Variants in DHRS7 observed in about 807,000 individuals in gnomAD.
DHRS7 encodes dehydrogenase/reductase SDR family member 7.
A neutral mutation model predicts 38.9 loss-of-function variants in DHRS7; 34 were observed. That is an observed-to-expected ratio of 0.87 (90% confidence interval 0.66 to 1.16). DHRS7 has a LOEUF of 1.16. DHRS7 is among the 50% of genes most tolerant of loss of function. The pLI, the probability that DHRS7 is intolerant of heterozygous loss-of-function variation, is 0.00. For synonymous variants in DHRS7, 158 were observed against 153.1 expected (o/e 1.03, Z -0.24); for missense variants, 421 against 407.0 (o/e 1.03, Z -0.30).
chr14:60,152,499 AG>A (rs769260350), intron 4 of DHRS7, among the ~76,000 whole-genome samples: 2 of 152,192 alleles, frequency 1.3e-5, no homozygotes, highest in Non-Finnish European at 2.9e-5. Context: ...ACCAACTACA[AG>A]GGGCAAGGAA....
intron 2 of DHRS7, chr14:60,155,694 A>G: frequency 4.9e-6 from 1 of 205,682 alleles, no homozygotes. Context: ...ATAAGAACCC[A>G]ACTGTTTTTT....
At chr14:60,158,135 A>G (rs556294923) in intron 1 of DHRS7, among the ~76,000 whole-genome samples, 2 of 147,392 alleles carry the variant, frequency 1.4e-5, no homozygotes, top group African/African-American at 2.5e-5. Context: ...CAGGAGGCTG[A>G]GGTGCAAGAA....
At position 60,156,158 on chromosome 14, in the gene DHRS7, G is replaced by A. The variant is rs1417905034; in HGVS notation, c.134-6C>T. ...CATATCAGTCAGCTCCCATTCTATG[G>A]AAGGAATGTAAATGGAAGGAAGAAA... On this transcript the variant is annotated splice_region_variant and splice_polypyrimidine_tract_variant and intron_variant, in intron 1 of 6. Coordinates refer to ENST00000557185, the MANE Select transcript of DHRS7 (RefSeq NM_016029.4). The A allele has an allele frequency of 5.8e-6, 9 of 1,552,062 alleles. No individual in the cohort carries two copies. The highest frequency in any genetic ancestry group is 1.4e-5 in the African/African-American group (1 of 71,422).
intron 1 of DHRS7, among the ~76,000 whole-genome samples, chr14:60,163,140 A>G (rs529525587): frequency 6.8e-4 from 103 of 152,122 alleles, no homozygotes; most frequent in African/African-American, 2.2e-3. Context: ...ACTGCACTCC[A>G]GCCTGGCCAA....
intron 2 of DHRS7, among the ~76,000 whole-genome samples, chr14:60,154,886 C>A (rs1302780944): frequency 1.3e-5 from 2 of 152,060 alleles, no homozygotes; most frequent in African/African-American, 4.8e-5. Context: ...GAACAACTAT[C>A]AAAAGAAGTG....
intron 6 of DHRS7, chr14:60,147,714 A>G (rs1264089951): frequency 6.6e-6 from 1 of 152,166 alleles, no homozygotes. Context: ...TCTCCATCTT[A>G]TATTAATAGA....
At chr14:60,163,100 A>G (rs200973537) in intron 1 of DHRS7, among the ~76,000 whole-genome samples, 6 of 151,886 alleles carry the variant, frequency 4.0e-5, no homozygotes, top group African/African-American at 1.4e-4. Flanking sequence ...AACCCAGGAG[A>G]TAGAGGTTGC....
chr14:60,155,828 G>T, intron 2 of DHRS7, 172 bp downstream of exon 2: 1 of 528,852 alleles, frequency 1.9e-6, no homozygotes, highest in African/African-American at 2.0e-5. Flanking sequence ...CAGAAAAGAA[G>T]AAAAAGGCGA....
chr14:60,153,296 A>G lies in DHRS7; in HGVS notation c.394-118T>C. On this transcript the variant is annotated intron_variant, in intron 3 of 6. Coordinates refer to ENST00000557185, the MANE Select transcript of DHRS7 (RefSeq NM_016029.4). The surrounding 1 kb of genome is among the most constrained non-coding windows in gnomAD (Gnocchi z 4.4). ...TAAAGAATCAATGGAACAATGGTAT[A>G]TTTCCAGAAGTCAGCAATTAAAAAG... 1 of 1,203,450 alleles carries G rather than the reference A, an allele frequency of 8.3e-7. No homozygotes were observed. Among genetic ancestry groups the G allele is most frequent in the Non-Finnish European group, 1.2e-6 (1 of 867,034 alleles). 74.5% of individuals were successfully genotyped at this position (1,203,450 alleles called of 1,614,324 possible).
chr14:60,162,309 G>A lies in DHRS7; in HGVS notation c.133+2868C>T, dbSNP rs937836052. 6.6e-6 allele frequency among the ~76,000 whole-genome samples: 1 copy of A among 151,936 alleles called. No homozygotes were observed. The highest frequency in any genetic ancestry group is 2.4e-5 in the African/African-American group (1 of 41,342). On this transcript the variant is annotated intron_variant, in intron 1 of 6. Coordinates refer to ENST00000557185, the MANE Select transcript of DHRS7 (RefSeq NM_016029.4). This position sits in a 1 kb window ranked among gnomAD's most constrained non-coding sequence, Gnocchi z 4.5. The stretch of plus-strand genomic sequence containing the variant: ...GATTGCCTGAGCCCAGGAGTTCGAG[G>A]CTGCAGTGAGCTATGATCATGCCAC...
rs573024918 is a variant in DHRS7 at position 60,155,406 on chromosome 14, A to G, written c.286+594T>C. On this transcript the variant is annotated intron_variant, in intron 2 of 6. Transcript: ENST00000557185. ...GGAAGTTGCAATGAGCCAAGATCAC[A>G]CCATTGTACTCCAGCCTGGGCAACA... Among the ~76,000 whole-genome samples, 5 of 152,266 alleles carry G rather than the reference A, an allele frequency of 3.3e-5. No individual in the cohort carries two copies. The South Asian group carries it at 1.0e-3, about 32-fold the overall frequency.
upstream of DHRS7, among the ~76,000 whole-genome samples, chr14:60,166,968 A>C (rs531312288): frequency 1.4e-5 from 2 of 146,628 alleles, no homozygotes; most frequent in South Asian, 4.7e-4. Context: ...CCAGAGGCTG[A>C]GAAGAGTAGT....
At chr14:60,165,539 G>T (rs1896856333), upstream of DHRS7, 93 of 1,270,864 alleles carry the variant, frequency 7.3e-5, no homozygotes, top group Non-Finnish European at 9.1e-5. This position sits in a 1 kb window ranked among gnomAD's most constrained non-coding sequence, Gnocchi z 4.6. Flanking sequence ...CACACCCGGC[G>T]GGGCCGGCAG....
upstream of DHRS7, chr14:60,165,659 C>A (rs1896857799): frequency 9.3e-7 from 1 of 1,070,838 alleles, no homozygotes. This position sits in a 1 kb window ranked among gnomAD's most constrained non-coding sequence, Gnocchi z 4.6. Context: ...CTGATTCAAA[C>A]ATAAGCTACA....
At chr14:60,149,972 C>A in intron 5 of DHRS7, 93 bp downstream of exon 5, 3 of 1,348,996 alleles carry the variant, frequency 2.2e-6, no homozygotes, top group Admixed American at 2.6e-5. Context: ...ACTTCTAAGG[C>A]AAAAACTATG....
intron 1 of DHRS7, among the ~76,000 whole-genome samples, chr14:60,160,201 C>T (rs1362855984): frequency 2.6e-5 from 4 of 152,036 alleles, no homozygotes; most frequent in African/African-American, 9.7e-5. Flanking sequence ...TGGTGGGTGC[C>T]TGTAATCCCA....
chr14:60,149,733 T>G (rs940478536), intron 5 of DHRS7, among the ~76,000 whole-genome samples, 165 bp from the exon 6 acceptor site: 1 of 152,004 alleles, frequency 6.6e-6, no homozygotes, highest in African/African-American at 2.4e-5. Context: ...ATTTGTAATA[T>G]TTCAAAAAGC....
At chr14:60,167,847 G>C (rs1896886937), upstream of DHRS7, among the ~76,000 whole-genome samples, 1 of 152,210 alleles carries the variant, frequency 6.6e-6, no homozygotes, top group South Asian at 2.1e-4. Flanking sequence ...CAGCTAGCCA[G>C]GGTGTCATCA....
In DHRS7 at chr14:60,148,132, C is replaced by G. The variant is rs184328073; in HGVS notation, c.972+1221G>C. 4 of 152,286 alleles carry G rather than the reference C, an allele frequency of 2.6e-5. No homozygotes were observed. Among genetic ancestry groups the G allele is most frequent in the Admixed American group, 2.0e-4 (3 of 15,294 alleles). 9.4% of individuals were successfully genotyped at this position (152,286 alleles called of 1,614,324 possible). Reference sequence around the variant, plus strand: ...CCCAGTCTGATAACCTTTTATGTCTCTTAAGCATTTTGTTGTGTTTGTAAC... The same window carrying G: ...CCCAGTCTGATAACCTTTTATGTCTGTTAAGCATTTTGTTGTGTTTGTAAC... On this transcript the variant is annotated intron_variant, in intron 6 of 6. Coordinates refer to ENST00000557185, the MANE Select transcript of DHRS7 (RefSeq NM_016029.4). This position sits in a 1 kb window ranked among gnomAD's most constrained non-coding sequence, Gnocchi z 4.8.
Sources: allele counts gnomAD v4.1 joint callset (sites outside exome capture counted in the v4.1 genomes callset), GRCh38; gene constraint gnomAD v4.1.1; non-coding constraint Gnocchi (gnomAD v3.1); transcripts MANE v1.5; gene names NCBI Gene and HGNC (gene_info 2026-07-23, HGNC 2026-07-21).